Variants in CBARP observed in about 807,000 individuals in gnomAD.
CBARP encodes CACN subunit beta associated regulatory protein, also known as voltage-dependent calcium channel beta subunit-associated regulatory protein.
Under a neutral mutation model 36.3 loss-of-function variants are expected in CBARP, and 24 were observed. The ratio of observed to expected loss-of-function variants is 0.66; its 90% confidence interval spans 0.48 to 0.93. The LOEUF (loss-of-function observed/expected upper bound fraction) is 0.93, where lower values mean the gene tolerates loss of function less well. CBARP is among the 40% of genes least tolerant of loss of function. The pLI, the probability that CBARP is intolerant of heterozygous loss-of-function variation, is 0.00. For synonymous variants in CBARP, 586 were observed against 453.2 expected, an observed-to-expected ratio of 1.29 and a Z score of -3.72; for missense variants, 1,146 against 980.4, an observed-to-expected ratio of 1.17 and a Z score of -2.26.
Position 1,234,302 on chromosome 19 carries a change from A to C in CBARP, c.657T>G (p.Ser219=). Residue 219 remains serine, a synonymous_variant, in exon 7 of 10, where the codon TCT becomes TCG. Coordinates refer to ENST00000650044, the MANE Select transcript of CBARP (RefSeq NM_001393918.1). ...CTGGCAGGGCGGAGCTGGGGCCCAC[A>C]GAGCGGCCGGTGAGGGCCTTCCCCG... ...QPPGKALTGR[S]VGPSSALPGD... 1.4e-6 allele frequency: 2 copies of C among 1,447,358 alleles called. No homozygotes were observed. Among genetic ancestry groups the C allele is most frequent in the Non-Finnish European group, 1.8e-6 (2 of 1,097,232 alleles). The allele number at this position is 1,447,358 out of a possible 1,614,324, so 89.7% of individuals were successfully genotyped here. A position where few individuals can be genotyped will look rare whatever the true frequency, so the allele number is the denominator to read the frequency against.
At chr19:1,234,083 T>G in intron 7 of CBARP, 108 bp downstream of exon 7, 1 of 1,297,602 alleles carries the variant, frequency 7.7e-7, no homozygotes, top group Non-Finnish European at 1.0e-6. Context: ...CAAGGAGGGC[T>G]GCGGTGGCTG....
chr19:1,229,310 C>T lies in CBARP; in HGVS notation c.1987G>A (p.Gly663Arg), dbSNP rs866471851. ...PGSGLCVLPS[G>R]SVLDKLAAGL... ...GCCGCCAGCTTGTCCAGCACCGACC[C>T]GGATGGTAGGACGCACAGGCCCGAG... The change falls in exon 10 of 10, where the codon GGG becomes AGG. Residue 663 changes from glycine (G) to arginine (R), a missense_variant. Coordinates refer to ENST00000650044, the MANE Select transcript of CBARP (RefSeq NM_001393918.1). The surrounding 1 kb of genome is among the most constrained non-coding windows in gnomAD (Gnocchi z 5.1). 3 of 1,253,618 alleles carry T rather than the reference C, an allele frequency of 2.4e-6. No individual in the cohort carries two copies. The highest frequency in any genetic ancestry group is 7.9e-5 in the East Asian group (1 of 12,730). 77.7% of individuals were successfully genotyped at this position (1,253,618 alleles called of 1,614,324 possible). A position where few individuals can be genotyped will look rare whatever the true frequency, so the allele number is the denominator to read the frequency against.
intron 3 of CBARP, 101 bp from the exon 4 acceptor site, chr19:1,235,666 C>A: frequency 1.3e-6 from 2 of 1,590,112 alleles, no homozygotes; most frequent in Non-Finnish European, 1.7e-6. Context: ...ATCACCCAGT[C>A]TCCAGAGGCA....
Position 1,230,029 on chromosome 19 carries a change from C to G in CBARP, c.1268G>C (p.Arg423Pro), listed in dbSNP as rs1385041202. The G allele has an allele frequency of 5.7e-6, 7 of 1,226,602 alleles. No individual in the cohort carries two copies. The South Asian group carries it at 8.0e-5, about 14-fold the overall frequency. 76.0% of individuals were successfully genotyped at this position (1,226,602 alleles called of 1,614,324 possible). A position where few individuals can be genotyped will look rare whatever the true frequency, so the allele number is the denominator to read the frequency against. ...CTGGGCCTGCTCGGGGCCCGCGTCCCGCTCGGCGTCCGGCTCCAGTGGCGG... is the reference window on the plus strand; with the variant it reads ...CTGGGCCTGCTCGGGGCCCGCGTCCGGCTCGGCGTCCGGCTCCAGTGGCGG... ...QQPPLEPDAE[R>P]DAGPEQAQTS... The change falls in exon 10 of 10, where the codon CGG becomes CCG. Residue 423 changes from arginine (R) to proline (P), a missense_variant. By Grantham distance (103) the Arg-to-Pro change is moderately radical. Coordinates refer to ENST00000650044, the MANE Select transcript of CBARP (RefSeq NM_001393918.1).
intron 9 of CBARP, 131 bp downstream of exon 9, chr19:1,230,970 C>T (rs760947065): frequency 2.6e-6 from 4 of 1,564,332 alleles, no homozygotes; most frequent in Non-Finnish European, 3.5e-6. Flanking sequence ...CTGGGAGGGG[C>T]CTTGCCGCTG....
At chr19:1,237,340 C>A (rs1307501222) in intron 1 of CBARP, among the ~76,000 whole-genome samples, 1 of 151,928 alleles carries the variant, frequency 6.6e-6, no homozygotes, top group African/African-American at 2.4e-5. Context: ...TGGGGACAGG[C>A]GCAGGATGGT....
chr19:1,229,270 C>A lies in CBARP; in HGVS notation c.2027G>T (p.Arg676Ile). The A allele has an allele frequency of 2.4e-6, 3 of 1,253,204 alleles. No homozygotes were observed. The highest frequency in any genetic ancestry group is 1.3e-5 in the South Asian group (1 of 77,244). The allele number at this position is 1,253,204 out of a possible 1,614,324, so 77.6% of individuals were successfully genotyped here. The change falls in exon 10 of 10, where the codon AGA becomes ATA. Residue 676 changes from arginine to isoleucine, a missense_variant. Arg to Ile is a moderately conservative substitution (Grantham distance 97). Coordinates refer to ENST00000650044, the MANE Select transcript of CBARP (RefSeq NM_001393918.1). This position sits in a 1 kb window ranked among gnomAD's most constrained non-coding sequence, Gnocchi z 5.1. The part of the protein sequence containing the change: ...LDKLAAGLDE[R>I]LFPPRLAEPV... ...CTCGGCGAGGCGCGGCGGAAAGAGT[C>A]TCTCGTCGAGGCCAGCCGCCAGCTT...
Position 1,229,159 on chromosome 19 carries a change from A to G in CBARP, c.*20T>C. The G allele has an allele frequency of 2.4e-5, 24 of 1,018,228 alleles. No homozygotes were observed. The highest frequency in any genetic ancestry group is 2.9e-5 in the Non-Finnish European group (24 of 826,514). The allele number at this position is 1,018,228 out of a possible 1,614,324, so 63.1% of individuals were successfully genotyped here. A position where few individuals can be genotyped will look rare whatever the true frequency, so the allele number is the denominator to read the frequency against. On this transcript the variant is annotated 3_prime_UTR_variant, in exon 10 of 10. Coordinates refer to ENST00000650044, the MANE Select transcript of CBARP (RefSeq NM_001393918.1). This position sits in a 1 kb window ranked among gnomAD's most constrained non-coding sequence, Gnocchi z 5.1. ...CGGCGCCGGAGAAGCTGCCAGAGAG[A>G]TGGGCCCAGGACGCGGGACTTAGGC...
rs1049955940 is a variant in CBARP at position 1,228,688 on chromosome 19, G to C, written c.*491C>G. The C allele has an allele frequency of 6.6e-6, 1 of 150,870 alleles. No individual in the cohort carries two copies. Among genetic ancestry groups the C allele is most frequent in the Admixed American group, 6.6e-5 (1 of 15,058 alleles). The allele number at this position is 150,870 out of a possible 1,614,324, so 9.3% of individuals were successfully genotyped here. A position where few individuals can be genotyped will look rare whatever the true frequency, so the allele number is the denominator to read the frequency against. The stretch of plus-strand genomic sequence containing the variant: ...GTTGAGCCGCCTCCCGGCCCAGGGC[G>C]GCGAACTCGTCTGCGACCGTTAGCG... On this transcript the variant is annotated 3_prime_UTR_variant, in exon 10 of 10. Transcript: ENST00000650044.
intron 8 of CBARP, among the ~76,000 whole-genome samples, chr19:1,231,743 G>A (rs940290675): frequency 5.9e-5 from 9 of 151,780 alleles, no homozygotes; most frequent in Admixed American, 5.2e-4. Context: ...GCATCTCCCC[G>A]GGTCAGGTGG....
chr19:1,231,424 C>A, intron 8 of CBARP, 149 bp from the exon 9 acceptor site: 1 of 1,199,848 alleles, frequency 8.3e-7, no homozygotes, highest in Non-Finnish European at 1.1e-6. Flanking sequence ...ACCACACACA[C>A]ACAACGTGTG....
rs928130335 is a variant in CBARP at position 1,229,721 on chromosome 19, G to T, written c.1576C>A (p.Pro526Thr). The T allele has an allele frequency of 7.1e-6, 7 of 984,910 alleles. No homozygotes were observed. In the African/African-American group the frequency reaches 1.1e-4, roughly 15 times the overall value. The allele number at this position is 984,910 out of a possible 1,614,324, so 61.0% of individuals were successfully genotyped here. ...DTEPPAAPAR[P>T]RSPRAWPRRP... Reference sequence around the variant, plus strand: ...CGGGGCCAGGCGCGCGGGCTGCGGGGCCGGGCGGGCGCGGCAGGTGGCTCG... The same window carrying T: ...CGGGGCCAGGCGCGCGGGCTGCGGGTCCGGGCGGGCGCGGCAGGTGGCTCG... The change falls in exon 10 of 10, where the codon CCC becomes ACC. Residue 526 changes from proline to threonine, a missense_variant. By Grantham distance (38) the Pro-to-Thr change is conservative. Coordinates refer to ENST00000650044, the MANE Select transcript of CBARP (RefSeq NM_001393918.1). The surrounding 1 kb of genome is among the most constrained non-coding windows in gnomAD (Gnocchi z 5.1).
chr19:1,230,623 T>C, intron 9 of CBARP: 1 of 1,232,924 alleles, frequency 8.1e-7, no homozygotes, highest in Non-Finnish European at 1.0e-6. Flanking sequence ...AACCCTGCTC[T>C]GCCCCAGCCC....
chr19:1,232,930 G>C (rs1315967270), intron 8 of CBARP, among the ~76,000 whole-genome samples: 2 of 152,268 alleles, frequency 1.3e-5, no homozygotes, highest in Non-Finnish European at 2.9e-5. Context: ...GAGGAAGTCA[G>C]AGCCCAGACA....
rs2080966696 is a variant in CBARP at position 1,236,024 on chromosome 19, G to A, written c.77C>T (p.Ser26Leu). The change falls in exon 2 of 10, where the codon TCG (serine) becomes TTG (leucine). Residue 26 changes from serine to leucine, a missense_variant. Transcript: ENST00000650044. ...GGGGCGTCCAGTGGCATTGTCCCAC[G>A]ACGTCGTCAGGGCTACTGTGGCAGT... ...TTTATVALTT[S>L]WDNATGRPTA... is the part of the protein sequence containing the mutation. The A allele has an allele frequency of 2.6e-6, 4 of 1,544,164 alleles. No homozygotes were observed. The highest frequency in any genetic ancestry group is 3.5e-6 in the Non-Finnish European group (4 of 1,144,820).
intron 8 of CBARP, among the ~76,000 whole-genome samples, chr19:1,231,548 A>C (rs1599942771): frequency 2.7e-5 from 1 of 37,268 alleles, no homozygotes. Flanking sequence ...GCCCCCTCAC[A>C]CACACACGCC....
chr19:1,235,305 C>T, intron 4 of CBARP, 160 bp from the exon 5 acceptor site: 2 of 1,047,806 alleles, frequency 1.9e-6, no homozygotes, highest in Non-Finnish European at 2.6e-6. Context: ...TCCGCTCACA[C>T]ACTCACTCGC....
rs780951354 is a variant in CBARP at position 1,233,566 on chromosome 19, G to A, written c.839C>T (p.Pro280Leu). The A allele has an allele frequency of 1.9e-5, 31 of 1,609,514 alleles. No homozygotes were observed. The highest frequency in any genetic ancestry group is 2.5e-5 in the Non-Finnish European group (29 of 1,178,814). Residue 280 changes from proline (P) to leucine (L), a missense_variant, in exon 8 of 10, where the codon CCG becomes CTG. Coordinates refer to ENST00000650044, the MANE Select transcript of CBARP (RefSeq NM_001393918.1). Reference protein sequence around the residue: ...GAAAGPGEAGPGSGAGTVLQF... With the variant: ...GAAAGPGEAGLGSGAGTVLQF... Reference sequence around the variant, plus strand: ...CAGAACGGTACCTGCCCCGGATCCCGGGCCCGCCTCCCCAGGCCCTGCTGC... The same window carrying A: ...CAGAACGGTACCTGCCCCGGATCCCAGGCCCGCCTCCCCAGGCCCTGCTGC...
At chr19:1,230,418 A>G in intron 9 of CBARP, 1 of 988,836 alleles carries the variant, frequency 1.0e-6, no homozygotes, top group Non-Finnish European at 1.2e-6. Flanking sequence ...GGAAAAGTCA[A>G]CATGCTTCTC....
Sources: gnomAD v4.1 joint callset for allele counts (sites outside exome capture counted in the v4.1 genomes callset) on GRCh38, gnomAD v4.1.1 for gene constraint, Gnocchi (gnomAD v3.1) non-coding constraint, MANE v1.5 for transcripts, NCBI Gene and HGNC (gene_info 2026-07-23, HGNC 2026-07-21) for gene names.